The following TRANK1 variants were observed in gnomAD, a reference collection of about 807,000 sequenced individuals.
TRANK1 encodes TPR and ankyrin repeat-containing protein 1.
A neutral mutation model predicts 266.0 loss-of-function variants in TRANK1; 198 were observed. The ratio of observed to expected loss-of-function variants is 0.74; its 90% CI spans 0.66 to 0.84. The LOEUF (loss-of-function observed/expected upper bound fraction) is 0.84, where lower values mean the gene tolerates loss of function less well. TRANK1 is among the 40% of genes least tolerant of loss of function. The pLI is 0.00. For synonymous variants in TRANK1, 1,396 were observed against 1,384.1 expected, an observed-to-expected ratio of 1.01 and a Z score of -0.19; for missense variants, 3,326 against 3,634.6, an observed-to-expected ratio of 0.92 and a Z score of 2.18.
At position 36,882,919 on chromosome 3, in the gene TRANK1, C is replaced by A. The variant is rs187567657; in HGVS notation, c.907+6910G>T. Among the ~76,000 whole-genome samples, 67 of 152,112 alleles carry A rather than the reference C, an allele frequency of 4.4e-4. No homozygotes were observed. In the Middle Eastern group the frequency reaches 0.014, roughly 31 times the overall value. On this transcript the variant is annotated intron_variant, in intron 8 of 23. Coordinates refer to ENST00000645898, the MANE Select transcript of TRANK1 (RefSeq NM_001329998.2). ...ATAATTAGAGAAATGCAAATTAAAACGATACTGGAAGAACAATTCTCACCT... is the reference window on the plus strand; with the variant it reads ...ATAATTAGAGAAATGCAAATTAAAAAGATACTGGAAGAACAATTCTCACCT...
At chr3:36,835,519 C>G (rs937210108) in intron 20 of TRANK1, among the ~76,000 whole-genome samples, 1 of 152,100 alleles carries the variant, frequency 6.6e-6, no homozygotes, top group African/African-American at 2.4e-5. Flanking sequence ...AGGTCACACT[C>G]AAGTGGAAGG....
chr3:36,944,902 A>C lies in TRANK1; in HGVS notation c.-93T>G. On this transcript the variant is annotated 5_prime_UTR_variant, in exon 1 of 24. Transcript: ENST00000645898. ...GCGGCGGGCAGTGCGGAAGCCCGAA[A>C]GCTACCGGAGCCCGGGGCAGGGGCG... The C allele has an allele frequency of 3.1e-6, 4 of 1,284,268 alleles. No individual in the cohort carries two copies. Among genetic ancestry groups the C allele is most frequent in the Non-Finnish European group, 4.0e-6 (4 of 996,736 alleles). 79.6% of individuals were successfully genotyped at this position (1,284,268 alleles called of 1,614,324 possible). A position where few individuals can be genotyped will look rare whatever the true frequency, so the allele number is the denominator to read the frequency against.
At chr3:36,866,117 AGTCACCG>A (rs2079223478) in intron 9 of TRANK1, among the ~76,000 whole-genome samples, 1 of 151,848 alleles carries the variant, frequency 6.6e-6, no homozygotes, top group East Asian at 1.9e-4. Flanking sequence ...AGAAAGAAAG[AGTCACCG>A]ATGAAGTGTT....
At chr3:36,907,566 G>C (rs1320656865) in intron 2 of TRANK1, among the ~76,000 whole-genome samples, 1 of 146,568 alleles carries the variant, frequency 6.8e-6, no homozygotes, top group African/African-American at 2.5e-5. Flanking sequence ...CCGGGTTCAC[G>C]CTATTCTCCT....
chr3:36,849,989 C>A, intron 15 of TRANK1: 2 of 983,224 alleles, frequency 2.0e-6, no homozygotes, highest in Middle Eastern at 5.2e-4. Flanking sequence ...GATACCTGAG[C>A]CTTGGCCACT....
chr3:36,934,919 T>C lies in TRANK1; in HGVS notation c.23+9868A>G, dbSNP rs925291042. Among the ~76,000 whole-genome samples the C allele has an allele frequency of 2.6e-5, 4 of 152,148 alleles. No individual in the cohort carries two copies. The East Asian group carries it at 7.7e-4, about 29-fold the overall frequency. On this transcript the variant is annotated intron_variant, in intron 1 of 23. Coordinates refer to ENST00000645898, the MANE Select transcript of TRANK1 (RefSeq NM_001329998.2). ...CACACACCCTCCAGAGGTATCTTCC[T>C]TGCCAGGCTGGATTACTGCAAAATT...
At chr3:36,926,214 C>T (rs953626323) in intron 1 of TRANK1, among the ~76,000 whole-genome samples, 1 of 152,174 alleles carries the variant, frequency 6.6e-6, no homozygotes, top group Non-Finnish European at 1.5e-5. Flanking sequence ...TTTCCCTAAA[C>T]ATGGCTCTGT....
At chr3:36,894,885 A>G (rs2079765340) in intron 5 of TRANK1, among the ~76,000 whole-genome samples, 1 of 152,162 alleles carries the variant, frequency 6.6e-6, no homozygotes, top group Admixed American at 6.5e-5. Flanking sequence ...CTTATAGCCT[A>G]TCACCAATGA....
At chr3:36,913,807 G>C (rs573321613) in intron 1 of TRANK1, among the ~76,000 whole-genome samples, 1 of 151,928 alleles carries the variant, frequency 6.6e-6, no homozygotes, top group Non-Finnish European at 1.5e-5. Flanking sequence ...GGAACACCTT[G>C]CCACCACCCC....
At chr3:36,915,881 A>G (rs980042343) in intron 1 of TRANK1, among the ~76,000 whole-genome samples, 1 of 152,194 alleles carries the variant, frequency 6.6e-6, no homozygotes, top group African/African-American at 2.4e-5. Flanking sequence ...GAAACAGCAC[A>G]TGCAAAAGCT....
intron 10 of TRANK1, among the ~76,000 whole-genome samples, chr3:36,862,940 C>T (rs749260079): frequency 3.3e-5 from 5 of 151,850 alleles, no homozygotes; most frequent in African/African-American, 7.3e-5. Context: ...TTAGCCCATT[C>T]GAGTCTGTCA....
intron 1 of TRANK1, among the ~76,000 whole-genome samples, chr3:36,925,869 C>T (rs1308107228): frequency 6.6e-6 from 1 of 152,192 alleles, no homozygotes; most frequent in Non-Finnish European, 1.5e-5. Flanking sequence ...CAGACATGAG[C>T]CACTGTGCCC....
At position 36,857,317 on chromosome 3, in the gene TRANK1, G is replaced by GGCACAAGCT. The variant is rs755145843; in HGVS notation, c.2396_2404dup (p.Gln799_Val801dup). On this transcript the variant is annotated inframe_insertion, in exon 13 of 24. Coordinates refer to ENST00000645898, the MANE Select transcript of TRANK1 (RefSeq NM_001329998.2). The surrounding 1 kb of genome is among the most constrained non-coding windows in gnomAD (Gnocchi z 4.3). Reference sequence around the variant, plus strand: ...GCCCTCCTTCCCCCTGTTATCATCAGGCACAAGCTGCAAGGCCCCAAGGCC... The same window carrying GGCACAAGCT: ...GCCCTCCTTCCCCCTGTTATCATCAGGCACAAGCTGCACAAGCTGCAAGGCCCCAAGGCC... The GGCACAAGCT allele has an allele frequency of 6.2e-7, 1 of 1,608,772 alleles. No individual in the cohort carries two copies. The highest frequency in any genetic ancestry group is 1.1e-5 in the South Asian group (1 of 90,012).
intron 1 of TRANK1, among the ~76,000 whole-genome samples, chr3:36,932,600 G>A (rs985107413): frequency 6.6e-6 from 1 of 152,208 alleles, no homozygotes; most frequent in Non-Finnish European, 1.5e-5. Context: ...GTATGAGTTA[G>A]AGCTATCAGA....
Position 36,829,540 on chromosome 3 carries a change from GT to G in TRANK1, c.8809+23del, listed in dbSNP as rs762467406. On this transcript the variant is annotated intron_variant, in intron 23 of 23. Transcript: ENST00000645898. ...AACCACAGGACCCAAAGTGTTACCT[GT>G]CCCCACAATCAAGACTCCTTACCTT... The G allele has an allele frequency of 1.9e-6, 3 of 1,612,454 alleles. No homozygotes were observed. In the East Asian group the frequency reaches 6.7e-5, roughly 36 times the overall value.
In TRANK1 at chr3:36,831,597, G is replaced by C. The variant is rs566219310; in HGVS notation, c.7986C>G (p.Gly2662=). ...PVHTKGSIVR[G]LYYEEVRLNR... ...TTAGTCTGACCTCCTCATAATAGAG[G>C]CCACGGACTATGGACCCTTTGGTGT... Residue 2662 remains glycine (G), a synonymous_variant, in exon 22 of 24, where the codon GGC becomes GGG. Transcript: ENST00000645898. The surrounding 1 kb of genome is among the most constrained non-coding windows in gnomAD (Gnocchi z 5.0). 6.2e-7 allele frequency: 1 copy of C among 1,613,774 alleles called. No individual in the cohort carries two copies. Among genetic ancestry groups the C allele is most frequent in the African/African-American group, 1.3e-5 (1 of 75,016 alleles).
chr3:36,864,974 A>C (rs1408062749), intron 9 of TRANK1, among the ~76,000 whole-genome samples: 2 of 151,822 alleles, frequency 1.3e-5, no homozygotes, highest in Non-Finnish European at 2.9e-5. Flanking sequence ...CTGTAGGATC[A>C]GGAGCCAAAT....
chr3:36,847,057 C>T (rs2078924604), intron 16 of TRANK1, 143 bp downstream of exon 16: 6 of 995,594 alleles, frequency 6.0e-6, no homozygotes, highest in East Asian at 5.3e-5. Flanking sequence ...GAGATCCCTG[C>T]CCCTTCCTTT....
chr3:36,853,568 G>A (rs1353560003), intron 13 of TRANK1, among the ~76,000 whole-genome samples: 1 of 152,156 alleles, frequency 6.6e-6, no homozygotes, highest in Admixed American at 6.5e-5. Context: ...ACATTAACAG[G>A]AGAATCAGAA....
Sources: allele counts gnomAD v4.1 joint callset (sites outside exome capture counted in the v4.1 genomes callset), GRCh38; gene constraint gnomAD v4.1.1; non-coding constraint Gnocchi (gnomAD v3.1); transcripts MANE v1.5; gene names NCBI Gene and HGNC (gene_info 2026-07-23, HGNC 2026-07-21).